MMP26: variants seen among roughly 807,000 people sequenced by gnomAD.
The protein encoded by MMP26 is matrix metallopeptidase 26, also known as matrix metalloproteinase-26.
Under a neutral mutation model 31.0 loss-of-function variants are expected in MMP26, and 33 were observed. The observed-to-expected ratio is 1.06, with a 90% CI of 0.81 to 1.42. The LOEUF (loss-of-function observed/expected upper bound fraction) is 1.42. Ranked by LOEUF, MMP26 falls within the 40% of genes most tolerant of loss-of-function variation. MMP26 has a pLI of 0.00. For synonymous variants in MMP26, 122 were observed against 114.9 expected (o/e 1.06, Z -0.40); for missense variants, 347 against 316.1 (o/e 1.10, Z -0.74).
chr11:4,739,584 G>A lies in MMP26; in HGVS notation c.-216-27686G>A, dbSNP rs183713275. 1.1e-3 allele frequency among the ~76,000 whole-genome samples: 164 copies of A among 151,934 alleles called. 1 individual carries two copies. The highest frequency in any genetic ancestry group is 3.7e-3 in the African/African-American group (151 of 41,230). On this transcript the variant is annotated intron_variant, in intron 1 of 7. Coordinates refer to ENST00000380390, the MANE Select transcript of MMP26 (RefSeq NM_021801.5). ...TATGATGACTCCAACCACTTGATATGGAGAATATACTCATGCAGCTGTGTT... is the reference window on the plus strand; with the variant it reads ...TATGATGACTCCAACCACTTGATATAGAGAATATACTCATGCAGCTGTGTT...
At chr11:4,755,789 C>T (rs1848497970) in intron 1 of MMP26, among the ~76,000 whole-genome samples, 1 of 151,714 alleles carries the variant, frequency 6.6e-6, no homozygotes, top group African/African-American at 2.4e-5. Context: ...ATGAGCAAGC[C>T]CCATACATAG....
intron 2 of MMP26, chr11:4,821,783 C>A: frequency 6.2e-7 from 1 of 1,613,242 alleles, no homozygotes; most frequent in Non-Finnish European, 8.5e-7. Flanking sequence ...CTGGCCATGG[C>A]CTTTGATCGT....
intron 2 of MMP26, among the ~76,000 whole-genome samples, chr11:4,940,057 C>T (rs1846185838): frequency 6.6e-6 from 1 of 151,342 alleles, no homozygotes; most frequent in South Asian, 2.1e-4. Flanking sequence ...GACAAACACC[C>T]CCAAATGTAA....
intron 2 of MMP26, among the ~76,000 whole-genome samples, chr11:4,791,921 A>G (rs1241225668): frequency 6.6e-6 from 1 of 151,620 alleles, no homozygotes; most frequent in African/African-American, 2.4e-5. Flanking sequence ...CACCCTATCT[A>G]ATTGTTTAGG....
At chr11:4,735,838 A>G (rs1848232865) in intron 1 of MMP26, among the ~76,000 whole-genome samples, 1 of 152,206 alleles carries the variant, frequency 6.6e-6, no homozygotes, top group Non-Finnish European at 1.5e-5. Flanking sequence ...AGAACAGAAT[A>G]TATGACTTAT....
intron 1 of MMP26, among the ~76,000 whole-genome samples, chr11:4,733,840 C>T (rs925508272): frequency 3.3e-5 from 5 of 152,180 alleles, no homozygotes; most frequent in South Asian, 2.1e-4. Context: ...TATCAGTTGA[C>T]GAAATTCCTT....
chr11:4,773,972 T>C (rs1315609351), intron 2 of MMP26, among the ~76,000 whole-genome samples: 1 of 152,200 alleles, frequency 6.6e-6, no homozygotes, highest in Non-Finnish European at 1.5e-5. Context: ...CATGATCTCA[T>C]TCCTTTTTAT....
intron 2 of MMP26, among the ~76,000 whole-genome samples, chr11:4,965,125 T>C (rs937385813): frequency 3.9e-5 from 6 of 152,154 alleles, no homozygotes; most frequent in African/African-American, 1.4e-4. Context: ...GAGTATCACA[T>C]TGGAGAATGT....
At chr11:4,804,627 A>T in intron 2 of MMP26, 2 of 669,018 alleles carry the variant, frequency 3.0e-6, no homozygotes. Context: ...TACTAGTTGC[A>T]TGTGTAACTG....
chr11:4,789,528 C>A (rs575142293), intron 2 of MMP26, among the ~76,000 whole-genome samples: 7 of 92,972 alleles, frequency 7.5e-5, no homozygotes, highest in East Asian at 5.1e-4. Flanking sequence ...GATATCCCCC[C>A]ACTTTTTTTT....
chr11:4,857,766 C>G (rs905822711), intron 2 of MMP26, among the ~76,000 whole-genome samples: 1 of 152,082 alleles, frequency 6.6e-6, no homozygotes, highest in African/African-American at 2.4e-5. Flanking sequence ...GGCAGAGACA[C>G]AACAAAAAAA....
intron 1 of MMP26, among the ~76,000 whole-genome samples, chr11:4,722,039 C>T (rs192967876): frequency 3.3e-5 from 5 of 152,286 alleles, no homozygotes; most frequent in Admixed American, 3.3e-4. Flanking sequence ...GTGTGAAGTG[C>T]ATTGTTCTCA....
Position 4,953,990 on chromosome 11 carries a change from G to A in MMP26, c.-144-34078G>A. ...AATCGCTTGAACCTGGGAGGCGGAG[G>A]TTGCAGTGAGCAGAGATTGTGCTAC... On this transcript the variant is annotated intron_variant, in intron 2 of 7. Coordinates refer to ENST00000380390, the MANE Select transcript of MMP26 (RefSeq NM_021801.5). Among the ~76,000 whole-genome samples the A allele has an allele frequency of 1.6e-5, 2 of 125,680 alleles. 1 individual carries two copies. The highest frequency in any genetic ancestry group is 3.6e-5 in the Non-Finnish European group (2 of 55,566). The allele number at this position is 125,680 out of a possible 152,430, so 82.5% of individuals were successfully genotyped here.
chr11:4,991,932 A>G (rs1332266697), intron 6 of MMP26, 32 bp from the exon 7 acceptor site: 1 of 1,535,996 alleles, frequency 6.5e-7, no homozygotes, highest in Non-Finnish European at 8.7e-7. Flanking sequence ...TGCATAGTTA[A>G]TTTTATCTTT....
chr11:4,965,809 G>A (rs1846585217), intron 2 of MMP26, among the ~76,000 whole-genome samples: 1 of 152,104 alleles, frequency 6.6e-6, no homozygotes, highest in African/African-American at 2.4e-5. Context: ...GAGGTTCCAT[G>A]GACTTTCTTC....
At chr11:4,857,896 C>G (rs12417165) in intron 2 of MMP26, among the ~76,000 whole-genome samples, 26,200 of 152,110 alleles carry the variant, frequency 0.17, 2,522 homozygotes, top group South Asian at 0.33. Context: ...TTGGCTTCAT[C>G]CCTGGGATGC....
chr11:4,942,266 A>G (rs971551305), intron 2 of MMP26, among the ~76,000 whole-genome samples: 3 of 151,838 alleles, frequency 2.0e-5, no homozygotes, highest in Non-Finnish European at 4.4e-5. Flanking sequence ...TTTTTCAATT[A>G]TACTACATTT....
At chr11:4,739,040 T>C (rs1256065333) in intron 1 of MMP26, among the ~76,000 whole-genome samples, 1 of 152,200 alleles carries the variant, frequency 6.6e-6, no homozygotes, top group Non-Finnish European at 1.5e-5. Context: ...TGAGTTGATA[T>C]ATAACTGTTG....
chr11:4,992,237 C>G lies in MMP26; in HGVS notation c.781C>G (p.Pro261Ala). Reference protein sequence around the residue: ...LYGEKCSSDIP With the variant: ...LYGEKCSSDIA ...AGGAGAAAAATGTTCATCTGACATA[C>G]CTTAATGTTAGCACAGAGGACTTAT... is the stretch of plus-strand genomic sequence containing the variant. The change falls in exon 8 of 8, where the codon CCT becomes GCT. Residue 261 changes from proline to alanine, a missense_variant. Transcript: ENST00000380390. The G allele has an allele frequency of 6.2e-7, 1 of 1,606,506 alleles. No individual in the cohort carries two copies. The highest frequency in any genetic ancestry group is 8.5e-7 in the Non-Finnish European group (1 of 1,175,954).
Sources: allele counts gnomAD v4.1 joint callset (sites outside exome capture counted in the v4.1 genomes callset), GRCh38; gene constraint gnomAD v4.1.1; transcripts MANE v1.5; gene names NCBI Gene and HGNC (gene_info 2026-07-23, HGNC 2026-07-21).